The following CFAP299 variants were observed in gnomAD, a reference collection of about 807,000 sequenced individuals.
CFAP299 encodes the protein cilia- and flagella-associated protein 299.
Under a neutral mutation model 27.0 loss-of-function variants are expected in CFAP299, and 21 were observed. The observed-to-expected ratio is 0.78, with a 90% CI of 0.55 to 1.12. CFAP299 has a LOEUF of 1.12. Ranked by LOEUF, CFAP299 falls within the 50% of genes most tolerant of loss-of-function variation. The pLI is 0.00. For synonymous variants in CFAP299, 104 were observed against 98.1 expected (o/e 1.06, Z -0.36); for missense variants, 310 against 276.6 (o/e 1.12, Z -0.86).
At chr4:80,933,533 A>T (rs1736736835) in intron 4 of CFAP299, among the ~76,000 whole-genome samples, 1 of 152,146 alleles carries the variant, frequency 6.6e-6, no homozygotes, top group Admixed American at 6.6e-5. Flanking sequence ...TTGATGTAAT[A>T]TAGACATTTT....
At chr4:80,484,606 A>G (rs900803793) in intron 2 of CFAP299, among the ~76,000 whole-genome samples, 3 of 152,154 alleles carry the variant, frequency 2.0e-5, no homozygotes, top group Non-Finnish European at 4.4e-5. Context: ...TCTTTTTACT[A>G]AAAACATCTA....
At chr4:80,599,823 A>G (rs1234522014) in intron 3 of CFAP299, among the ~76,000 whole-genome samples, 1 of 152,138 alleles carries the variant, frequency 6.6e-6, no homozygotes, top group East Asian at 1.9e-4. Context: ...TATTTACAGT[A>G]ATGCTTTTGT....
intron 3 of CFAP299, among the ~76,000 whole-genome samples, chr4:80,800,646 T>TAA (rs1197646941): frequency 1.1e-5 from 1 of 87,868 alleles, no homozygotes; most frequent in Admixed American, 1.9e-4. Flanking sequence ...ATATAATATA[T>TAA]TAATATATAT....
intron 2 of CFAP299, among the ~76,000 whole-genome samples, chr4:80,573,999 T>C (rs1735723158): frequency 6.6e-6 from 1 of 151,996 alleles, no homozygotes; most frequent in African/African-American, 2.4e-5. Flanking sequence ...GTGAAGAATG[T>C]CATTGATATT....
At chr4:80,481,886 AT>A (rs1041886974) in intron 2 of CFAP299, among the ~76,000 whole-genome samples, 2 of 152,028 alleles carry the variant, frequency 1.3e-5, no homozygotes, top group African/African-American at 4.8e-5. Context: ...CCTGGTTTAA[AT>A]TTAGGACCTG....
intron 5 of CFAP299, among the ~76,000 whole-genome samples, chr4:80,948,824 C>T (rs1737612192): frequency 6.6e-6 from 1 of 151,678 alleles, no homozygotes; most frequent in Non-Finnish European, 1.5e-5. Flanking sequence ...CCTCCAAAAG[C>T]AATAATAACA....
intron 2 of CFAP299, among the ~76,000 whole-genome samples, chr4:80,493,965 C>T (rs973043342): frequency 4.6e-5 from 7 of 151,356 alleles, no homozygotes; most frequent in African/African-American, 1.2e-4. Context: ...TTAGTAGAGA[C>T]GGGGTTTCAC....
At chr4:80,787,805 G>A (rs1727330318) in intron 3 of CFAP299, among the ~76,000 whole-genome samples, 1 of 151,452 alleles carries the variant, frequency 6.6e-6, no homozygotes, top group Admixed American at 6.6e-5. Context: ...TCAAACATAT[G>A]GAGTTTTTCC....
chr4:80,341,549 G>A (rs564905912), intron 1 of CFAP299, among the ~76,000 whole-genome samples: 3 of 152,284 alleles, frequency 2.0e-5, no homozygotes, highest in Admixed American at 6.5e-5. Context: ...AAAAACCGAG[G>A]CACCTAGGGT....
chr4:80,669,145 CTTTCTTTTTTTTTT>C lies in CFAP299; in HGVS notation c.333+85966_333+85979del, dbSNP rs1160004795. On this transcript the variant is annotated intron_variant, in intron 3 of 5. Transcript: ENST00000358105. ...TTTTCTTTTCTGTCTTTCTTTCTTT[CTTTCTTTTTTTTTT>C]TTTTTTTTTTTTTTTTTTTGAGACT... 9.7e-4 allele frequency among the ~76,000 whole-genome samples: 16 copies of C among 16,430 alleles called. No homozygotes were observed. In the East Asian group the frequency reaches 0.022, roughly 22 times the overall value. The allele number at this position is 16,430 out of a possible 152,430, so 10.8% of individuals were successfully genotyped here.
rs533317049 is a variant in CFAP299, at chr4:80,549,937, ATTAC to A, written c.243-33153_243-33150del. 4.8e-3 allele frequency among the ~76,000 whole-genome samples: 725 copies of A among 152,100 alleles called. 4 individuals carry two copies. Among genetic ancestry groups the A allele is most frequent in the Middle Eastern group, 0.02 (6 of 294 alleles). On this transcript the variant is annotated intron_variant, in intron 2 of 5. Coordinates refer to ENST00000358105, the MANE Select transcript of CFAP299 (RefSeq NM_152770.3). ...AAAATATGAAAATTTTTCTACAGAA[ATTAC>A]TTTGTCAAATTTTTTCTCTGTTCAC...
chr4:80,468,650 T>A (rs937090988), intron 2 of CFAP299, among the ~76,000 whole-genome samples: 1 of 151,106 alleles, frequency 6.6e-6, no homozygotes, highest in African/African-American at 2.4e-5. Context: ...GCCTGGCCAA[T>A]ATGGTGAAAC....
chr4:80,893,211 A>G (rs1050415015), intron 4 of CFAP299, among the ~76,000 whole-genome samples: 1 of 151,632 alleles, frequency 6.6e-6, no homozygotes, highest in Non-Finnish European at 1.5e-5. Context: ...GAAAATTATG[A>G]AACATTGATG....
chr4:80,362,492 C>G (rs1194881798), intron 1 of CFAP299, among the ~76,000 whole-genome samples: 1 of 143,916 alleles, frequency 6.9e-6, no homozygotes, highest in African/African-American at 2.6e-5. Context: ...CCTCTAATCC[C>G]TTAGAGAAAA....
At position 80,741,411 on chromosome 4, in the gene CFAP299, C is replaced by A. The variant is rs559412848; in HGVS notation, c.334-128582C>A. 3.0e-4 allele frequency among the ~76,000 whole-genome samples: 45 copies of A among 152,174 alleles called. 1 individual carries two copies. The highest frequency in any genetic ancestry group is 1.0e-3 in the African/African-American group (43 of 41,508). On this transcript the variant is annotated intron_variant, in intron 3 of 5. Coordinates refer to ENST00000358105, the MANE Select transcript of CFAP299 (RefSeq NM_152770.3). ...TTTAGTCAGCGGGTGATGAATGCTG[C>A]AAGGACTGAGTCCCTCCCTTTAAGG...
chr4:80,902,386 A>T, intron 4 of CFAP299, among the ~76,000 whole-genome samples: 1 of 142,372 alleles, frequency 7.0e-6, no homozygotes, highest in South Asian at 2.2e-4. Flanking sequence ...ATATTTTATA[A>T]ATATATGAAA....
chr4:80,361,977 C>A (rs1723569458), intron 1 of CFAP299, among the ~76,000 whole-genome samples: 1 of 151,996 alleles, frequency 6.6e-6, no homozygotes, highest in Admixed American at 6.5e-5. Flanking sequence ...ATACTTTAAT[C>A]TTTATACTAA....
At chr4:80,882,839 G>A (rs1309565441) in intron 4 of CFAP299, among the ~76,000 whole-genome samples, 1 of 152,046 alleles carries the variant, frequency 6.6e-6, no homozygotes, top group Non-Finnish European at 1.5e-5. Flanking sequence ...CAGAAATGAA[G>A]GAGAGAGAAA....
At chr4:80,903,919 G>T (rs1018811388) in intron 4 of CFAP299, among the ~76,000 whole-genome samples, 1 of 151,796 alleles carries the variant, frequency 6.6e-6, no homozygotes, top group Non-Finnish European at 1.5e-5. Context: ...CATAGAGAAG[G>T]GTTTTCTAAA....
Sources: allele counts gnomAD v4.1 joint callset (sites outside exome capture counted in the v4.1 genomes callset), GRCh38; gene constraint gnomAD v4.1.1; transcripts MANE v1.5; gene names NCBI Gene and HGNC (gene_info 2026-07-23, HGNC 2026-07-21).